Variants in CDK17 observed in about 807,000 individuals in gnomAD.
The protein encoded by CDK17 is cyclin dependent kinase 17.
A neutral mutation model predicts 77.6 loss-of-function variants in CDK17; 24 were observed. The ratio of observed to expected loss-of-function variants is 0.31; its 90% CI spans 0.22 to 0.44. The LOEUF is 0.44. Among genes scored for constraint, CDK17 ranks in the 20% least tolerant of loss-of-function variants. The probability of loss-of-function intolerance (pLI) is 1.00; values close to 1 mark genes in which losing one functional copy is unlikely to be tolerated. For synonymous variants in CDK17, 203 were observed against 210.4 expected (o/e 0.96, Z 0.30); for missense variants, 429 against 622.5 (o/e 0.69, Z 3.31).
intron 1 of CDK17, among the ~76,000 whole-genome samples, chr12:96,394,376 G>A (rs1403447978): frequency 1.3e-5 from 2 of 152,112 alleles, no homozygotes; most frequent in Non-Finnish European, 2.9e-5. Flanking sequence ...GAAGGCCAAA[G>A]TTAGTAACTG....
intron 9 of CDK17, 45 bp downstream of exon 9, chr12:96,297,224 TA>T (rs1258451471): frequency 8.0e-7 from 1 of 1,245,938 alleles, no homozygotes; most frequent in East Asian, 2.3e-5. Context: ...ATGGTTCACC[TA>T]TGCTTTAAAC....
intron 10 of CDK17, among the ~76,000 whole-genome samples, chr12:96,294,586 A>AG (rs1952376643): frequency 8.4e-5 from 1 of 11,926 alleles, no homozygotes; most frequent in Non-Finnish European, 1.8e-4. Context: ...GCTGTCTTCA[A>AG]AAAAAAAAAA....
chr12:96,302,583 T>A (rs1480841226), intron 5 of CDK17, among the ~76,000 whole-genome samples: 2 of 152,042 alleles, frequency 1.3e-5, no homozygotes, highest in Admixed American at 6.5e-5. Context: ...CTGAAAAAAA[T>A]ATTTAAAATG....
chr12:96,297,604 C>G, intron 8 of CDK17, 23 bp downstream of exon 8: 1 of 1,407,748 alleles, frequency 7.1e-7, no homozygotes, highest in Non-Finnish European at 9.9e-7. Context: ...AAGTTAAATA[C>G]TGAATTTTTA....
At chr12:96,355,722 C>T (rs767163137) in intron 1 of CDK17, among the ~76,000 whole-genome samples, 12 of 151,924 alleles carry the variant, frequency 7.9e-5, no homozygotes, top group Non-Finnish European at 8.8e-5. Flanking sequence ...GGTCTATTGT[C>T]GATTCCCTCC....
chr12:96,318,372 C>G (rs1285531571), intron 3 of CDK17, among the ~76,000 whole-genome samples: 1 of 138,652 alleles, frequency 7.2e-6, no homozygotes, highest in South Asian at 2.6e-4. Flanking sequence ...ACCCCACTGT[C>G]AACATTAGAC....
chr12:96,291,051 G>C (rs1952317186), intron 10 of CDK17, among the ~76,000 whole-genome samples: 1 of 141,662 alleles, frequency 7.1e-6, no homozygotes, highest in East Asian at 2.1e-4. Flanking sequence ...GAGGGACAGA[G>C]AACAACTTAT....
At chr12:96,389,044 A>ATTT (rs1243128385) in intron 1 of CDK17, among the ~76,000 whole-genome samples, 1 of 148,536 alleles carries the variant, frequency 6.7e-6, no homozygotes, top group Non-Finnish European at 1.5e-5. Context: ...TATTATTATT[A>ATTT]TTTTTTGAGA....
intron 1 of CDK17, among the ~76,000 whole-genome samples, chr12:96,348,753 C>T (rs2137168009): frequency 6.6e-6 from 1 of 151,984 alleles, no homozygotes; most frequent in Non-Finnish European, 1.5e-5. Flanking sequence ...ACACACAAAC[C>T]AGCAAAACTC....
chr12:96,309,530 G>T (rs184512078), intron 5 of CDK17, among the ~76,000 whole-genome samples: 1 of 152,230 alleles, frequency 6.6e-6, no homozygotes, highest in East Asian at 1.9e-4. Context: ...ATGGTGCTGG[G>T]TTAATTACTA....
intron 1 of CDK17, among the ~76,000 whole-genome samples, chr12:96,380,405 C>T (rs910516906): frequency 1.1e-4 from 17 of 151,448 alleles, no homozygotes; most frequent in Non-Finnish European, 1.6e-4. Flanking sequence ...CTCAGCCTCC[C>T]GAGTAGCTGG....
In CDK17 at chr12:96,297,387, T is replaced by C. The variant is rs1952422597; in HGVS notation, c.811-55A>G. ...TACACCATTTTCAGAATGTTGTGAC[T>C]GGTTCACTTAATAGTGTTTTTCAAA... On this transcript the variant is annotated intron_variant, in intron 8 of 16. Transcript: ENST00000261211. 13 of 1,168,538 alleles carry C rather than the reference T, an allele frequency of 1.1e-5. No individual in the cohort carries two copies. The South Asian group carries it at 1.4e-4, about 13-fold the overall frequency. The allele number at this position is 1,168,538 out of a possible 1,614,324, so 72.4% of individuals were successfully genotyped here.
At chr12:96,292,299 C>G (rs1952335207) in intron 10 of CDK17, among the ~76,000 whole-genome samples, 1 of 151,938 alleles carries the variant, frequency 6.6e-6, no homozygotes, top group Admixed American at 6.6e-5. Context: ...ATGAAATACT[C>G]CAAACATAAA....
chr12:96,331,329 C>A (rs1952963481), intron 2 of CDK17, among the ~76,000 whole-genome samples: 1 of 152,060 alleles, frequency 6.6e-6, no homozygotes, highest in Non-Finnish European at 1.5e-5. Context: ...TCTTTTTCTT[C>A]CAGGCACTAC....
chr12:96,383,472 A>C (rs955826842), intron 1 of CDK17, among the ~76,000 whole-genome samples: 1 of 151,912 alleles, frequency 6.6e-6, no homozygotes, highest in Non-Finnish European at 1.5e-5. Flanking sequence ...AGCAACCCTA[A>C]GCAGAAAGAA....
chr12:96,381,536 T>C (rs1204396002), intron 1 of CDK17, among the ~76,000 whole-genome samples: 1 of 152,074 alleles, frequency 6.6e-6, no homozygotes, highest in Non-Finnish European at 1.5e-5. Flanking sequence ...TCTAGTGAGC[T>C]GAAAGGATCA....
At chr12:96,361,978 T>C (rs1255877778) in intron 1 of CDK17, among the ~76,000 whole-genome samples, 2 of 152,232 alleles carry the variant, frequency 1.3e-5, no homozygotes, top group African/African-American at 2.4e-5. Flanking sequence ...CTGATTTTGA[T>C]ATTTTTATTG....
rs545124361 is a variant in CDK17, at chr12:96,320,030, T to G, written c.283+3918A>C. ...AAATTGTCCCTGTTTGCAGACGACA[T>G]GATTATCTAGAAAACCCCATCGTCT... On this transcript the variant is annotated intron_variant, in intron 3 of 16. Transcript: ENST00000261211. Among the ~76,000 whole-genome samples, 574 of 152,214 alleles carry G rather than the reference T, an allele frequency of 3.8e-3. 4 individuals are homozygous for G. The highest frequency in any genetic ancestry group is 0.013 in the African/African-American group (544 of 41,504).
chr12:96,358,304 A>T (rs1221123250), intron 1 of CDK17, among the ~76,000 whole-genome samples: 3 of 150,048 alleles, frequency 2.0e-5, no homozygotes, highest in African/African-American at 7.3e-5. Flanking sequence ...ATACACACAC[A>T]GATATGCAGA....
Sources: allele counts gnomAD v4.1 joint callset (sites outside exome capture counted in the v4.1 genomes callset), GRCh38; gene constraint gnomAD v4.1.1; transcripts MANE v1.5; gene names NCBI Gene and HGNC (gene_info 2026-07-23, HGNC 2026-07-21).